The following MACROH2A1 variants were observed in gnomAD, a reference collection of about 807,000 sequenced individuals.
MACROH2A1 encodes macroH2A.1 histone.
In MACROH2A1, 2 loss-of-function variants were observed where a neutral mutation model predicts 31.6. The ratio of observed to expected loss-of-function variants is 0.06; its 90% CI spans 0.03 to 0.20. The LOEUF (loss-of-function observed/expected upper bound fraction) is 0.20, where lower values mean the gene tolerates loss of function less well. Among genes scored for constraint, MACROH2A1 ranks in the 10% least tolerant of loss-of-function variants. The pLI, the probability that MACROH2A1 is intolerant of heterozygous loss-of-function variation, is 1.00. For missense variants in MACROH2A1, 230 were observed against 474.0 expected, an observed-to-expected ratio of 0.49 and a Z score of 4.78; for synonymous variants, 169 against 189.6, an observed-to-expected ratio of 0.89 and a Z score of 0.89.
At chr5:135,357,626 T>C (rs1762333784) in intron 5 of MACROH2A1, 1 of 380,302 alleles carries the variant, frequency 2.6e-6, no homozygotes, top group African/African-American at 2.2e-5. Flanking sequence ...CACTGACACA[T>C]TAGACACATT....
chr5:135,394,553 T>A (rs703254), intron 1 of MACROH2A1, among the ~76,000 whole-genome samples: 3,783 of 152,220 alleles, frequency 0.025, 68 homozygotes, highest in Middle Eastern at 0.048. Context: ...TGCCTCACAA[T>A]CTCCCTCAGG....
chr5:135,391,279 T>C (rs968462970), intron 1 of MACROH2A1, among the ~76,000 whole-genome samples: 8 of 152,200 alleles, frequency 5.3e-5, no homozygotes, highest in Non-Finnish European at 1.0e-4. Flanking sequence ...TAAATCGGAA[T>C]GTCTCCCCCT....
Position 135,392,927 on chromosome 5 carries a change from G to A in MACROH2A1, c.-33-3801C>T, listed in dbSNP as rs140320519. The stretch of plus-strand genomic sequence containing the variant: ...AAGTGAATCAAAGCATCCATGTAAG[G>A]GCCTGATACTCACTCACTGGGCAAG... On this transcript the variant is annotated intron_variant, in intron 1 of 8. Transcript: ENST00000511689. Among the ~76,000 whole-genome samples the A allele has an allele frequency of 2.5e-3, 374 of 152,224 alleles. 3 individuals are homozygous for A. Among genetic ancestry groups the A allele is most frequent in the Non-Finnish European group, 3.3e-3 (225 of 68,000 alleles).
rs374906849 is a variant in MACROH2A1 at position 135,388,911 on chromosome 5, G to A, written c.172+11C>T. On this transcript the variant is annotated intron_variant, in intron 2 of 8. Coordinates refer to ENST00000511689, the MANE Select transcript of MACROH2A1 (RefSeq NM_138610.3). ...AGCCAGTGGTGTCTGGGTTGACTGA[G>A]GTACACTCACCTGTCAGGTATTCCA... 35 of 1,591,018 alleles carry A rather than the reference G, an allele frequency of 2.2e-5. No individual in the cohort carries two copies. Among genetic ancestry groups the A allele is most frequent in the Non-Finnish European group, 3.0e-5 (35 of 1,161,888 alleles).
chr5:135,349,253 T>C (rs1315781520), intron 6 of MACROH2A1, among the ~76,000 whole-genome samples: 1 of 152,236 alleles, frequency 6.6e-6, no homozygotes, highest in African/African-American at 2.4e-5. Context: ...CTCCCAGCTA[T>C]GACAAAGACA....
At chr5:135,351,314 C>G (rs962671156) in intron 6 of MACROH2A1, 1 of 160,222 alleles carries the variant, frequency 6.2e-6, no homozygotes, top group African/African-American at 2.4e-5. Context: ...ACCAAAACAA[C>G]AAGTTTCTCC....
intron 8 of MACROH2A1, chr5:135,343,016 T>C (rs941971081): frequency 1.0e-5 from 8 of 802,764 alleles, no homozygotes; most frequent in Non-Finnish European, 1.3e-5. Context: ...ACACACTGGG[T>C]TCCCCTTCTG....
chr5:135,399,382 C>T (rs1482760704), upstream of MACROH2A1: 1 of 152,418 alleles, frequency 6.6e-6, no homozygotes, highest in Non-Finnish European at 1.5e-5. The surrounding 1 kb of genome is among the most constrained non-coding windows in gnomAD (Gnocchi z 4.5). Context: ...GCCGGCCGCT[C>T]TGCGCCCAGG....
chr5:135,346,871 C>A (rs1207174150), intron 6 of MACROH2A1: 2 of 152,194 alleles, frequency 1.3e-5, no homozygotes, highest in African/African-American at 4.8e-5. Context: ...GCTGTGAAAA[C>A]CAAGTTCCCA....
intron 4 of MACROH2A1, 134 bp from the exon 5 acceptor site, chr5:135,360,741 T>C (rs771507517): frequency 1.4e-6 from 1 of 722,448 alleles, no homozygotes; most frequent in South Asian, 1.5e-5. Flanking sequence ...TCAGCGTTTC[T>C]CCAAGGGGGA....
upstream of MACROH2A1, chr5:135,399,408 CG>C (rs1768552480): frequency 6.6e-6 from 1 of 152,476 alleles, no homozygotes; most frequent in Non-Finnish European, 1.5e-5. The surrounding 1 kb of genome is among the most constrained non-coding windows in gnomAD (Gnocchi z 4.5). Flanking sequence ...GCCCGCACCC[CG>C]GACGCGAGGT....
chr5:135,363,503 T>C (rs1290290717), intron 4 of MACROH2A1, among the ~76,000 whole-genome samples: 1 of 152,272 alleles, frequency 6.6e-6, no homozygotes, highest in Non-Finnish European at 1.5e-5. Context: ...TGTTTTGGTA[T>C]TAAAATGCCC....
chr5:135,365,268 G>A (rs1053568023), intron 4 of MACROH2A1, among the ~76,000 whole-genome samples: 2 of 152,128 alleles, frequency 1.3e-5, no homozygotes, highest in Admixed American at 1.3e-4. Context: ...GATTCCACAG[G>A]CAAGTCCTAT....
intron 8 of MACROH2A1, 49 bp downstream of exon 8, chr5:135,343,211 C>T (rs374734622): frequency 2.4e-5 from 38 of 1,609,230 alleles, no homozygotes; most frequent in African/African-American, 1.9e-4. Flanking sequence ...GCCATGTGTG[C>T]GCAGAGAGAC....
At chr5:135,335,274 C>T in intron 8 of MACROH2A1, 133 bp from the exon 9 acceptor site, 1 of 652,438 alleles carries the variant, frequency 1.5e-6, no homozygotes, top group South Asian at 1.9e-5. Flanking sequence ...AGCCCCGTGT[C>T]TGCTTGTACG....
chr5:135,352,983 A>C lies in MACROH2A1; in HGVS notation c.651T>G (p.Asn217Lys). The C allele has an allele frequency of 1.2e-6, 2 of 1,605,818 alleles. No individual in the cohort carries two copies. Among genetic ancestry groups the C allele is most frequent in the East Asian group, 2.2e-5 (1 of 44,842 alleles). ...LAGFEVEAII[N>K]PTNADIDLKD... ...TAAGGTCAATGTCAGCATTGGTAGGATTGATTATGGCCTCCACCTCAAAGC... is the reference window on the plus strand; with the variant it reads ...TAAGGTCAATGTCAGCATTGGTAGGCTTGATTATGGCCTCCACCTCAAAGC... The change falls in exon 6 of 9, where the codon AAT becomes AAG. Residue 217 changes from asparagine to lysine, a missense_variant. Physicochemically the swap from Asn to Lys is moderately conservative, Grantham distance 94. Transcript: ENST00000511689.
At chr5:135,359,891 A>G in intron 5 of MACROH2A1, 1 of 985,094 alleles carries the variant, frequency 1.0e-6, no homozygotes, top group African/African-American at 1.7e-5. Context: ...ATAAAAGTGA[A>G]TTGTCTTTTA....
At chr5:135,384,999 G>A (rs1428997989) in intron 2 of MACROH2A1, among the ~76,000 whole-genome samples, 1 of 152,206 alleles carries the variant, frequency 6.6e-6, no homozygotes, top group Non-Finnish European at 1.5e-5. Context: ...GAAGCACCTA[G>A]TCCTAGGTTG....
At chr5:135,353,359 G>C (rs1581190336) in intron 5 of MACROH2A1, 2 of 329,936 alleles carry the variant, frequency 6.1e-6, no homozygotes, top group East Asian at 1.4e-4. Flanking sequence ...CCAAAGTAAG[G>C]CAGCTATCAG....
Sources: gnomAD v4.1 joint callset for allele counts (sites outside exome capture counted in the v4.1 genomes callset) on GRCh38, gnomAD v4.1.1 for gene constraint, Gnocchi (gnomAD v3.1) non-coding constraint, MANE v1.5 for transcripts, NCBI Gene and HGNC (gene_info 2026-07-23, HGNC 2026-07-21) for gene names.